The following GCNT1 variants were observed in gnomAD, a reference collection of about 807,000 sequenced individuals.
GCNT1 encodes the protein beta-1,3-galactosyl-O-glycosyl-glycoprotein beta-1,6-N-acetylglucosaminyltransferase.
GCNT1 carries 16 observed loss-of-function variants against 26.2 expected under a neutral mutation model. That is an observed-to-expected ratio of 0.61 (90% CI 0.41 to 0.93). The LOEUF (loss-of-function observed/expected upper bound fraction) is 0.93. GCNT1 is among the 40% of genes least tolerant of loss of function. The probability of loss-of-function intolerance (pLI) is 0.00; values close to 1 mark genes in which losing one functional copy is unlikely to be tolerated. For synonymous variants in GCNT1, 183 were observed against 190.8 expected, an observed-to-expected ratio of 0.96 and a Z score of 0.34; for missense variants, 477 against 526.7, an observed-to-expected ratio of 0.91 and a Z score of 0.92.
the GCNT1 span, among the ~76,000 whole-genome samples, chr9:76,397,401 A>G: frequency 1.3e-5 from 2 of 151,548 alleles, no homozygotes; most frequent in African/African-American, 2.4e-5. Context: ...GTCAAGTCAT[A>G]TGGGTAATTA....
At chr9:76,435,427 G>A (rs544481827) in intron 1 of GCNT1, among the ~76,000 whole-genome samples, 1 of 152,296 alleles carries the variant, frequency 6.6e-6, no homozygotes, top group East Asian at 1.9e-4. Context: ...GACTGAATTA[G>A]TCAGCTCCCA....
chr9:76,399,022 C>T, the GCNT1 span: 1 of 1,588,716 alleles, frequency 6.3e-7, no homozygotes, highest in South Asian at 1.1e-5. Flanking sequence ...CTGGAACCTT[C>T]ACTAACCAGA....
chr9:76,405,880 G>C, the GCNT1 span, among the ~76,000 whole-genome samples: 10 of 152,158 alleles, frequency 6.6e-5, no homozygotes, highest in African/African-American at 2.4e-4. Flanking sequence ...TGTGAATATA[G>C]GTTTTCAATT....
chr9:76,503,603 C>G lies in GCNT1; in HGVS notation c.1222C>G (p.Leu408Val). 6.2e-7 allele frequency: 1 copy of G among 1,614,110 alleles called. No homozygotes were observed. ...CAATAAGTTTGACGTGGATGTTGAC[C>G]TCTTTGCCATCCAGTGTTTGGATGA... ...FANKFDVDVD[L>V]FAIQCLDEHL... The change falls in exon 4 of 4, where the codon CTC becomes GTC. Residue 408 changes from leucine (L) to valine (V), a missense_variant. Physicochemically the swap from Leu to Val is conservative, Grantham distance 32. Transcript: ENST00000376730.
chr9:76,488,950 TA>T (rs1824655128), intron 2 of GCNT1, among the ~76,000 whole-genome samples: 3 of 152,234 alleles, frequency 2.0e-5, no homozygotes, highest in African/African-American at 7.2e-5. Flanking sequence ...AATATCATTT[TA>T]TTTTTTTGCT....
chr9:76,408,443 C>T, the GCNT1 span, among the ~76,000 whole-genome samples: 1 of 152,078 alleles, frequency 6.6e-6, no homozygotes, highest in East Asian at 1.9e-4. Context: ...TTGAACCAGG[C>T]TTACATACCT....
chr9:76,398,362 A>G, the GCNT1 span, among the ~76,000 whole-genome samples: 17,434 of 152,246 alleles, frequency 0.11, 1,112 homozygotes, highest in Middle Eastern at 0.23. Context: ...TAAAACAACA[A>G]TGAGATACTA....
intron 1 of GCNT1, among the ~76,000 whole-genome samples, chr9:76,446,023 A>T (rs1382350793): frequency 1.3e-5 from 2 of 152,082 alleles, no homozygotes; most frequent in Non-Finnish European, 2.9e-5. Context: ...AACCTGTGAT[A>T]ATTTGCTCTG....
At chr9:76,465,837 G>A (rs978730753) in intron 2 of GCNT1, among the ~76,000 whole-genome samples, 2 of 152,228 alleles carry the variant, frequency 1.3e-5, no homozygotes, top group Non-Finnish European at 2.9e-5. Flanking sequence ...GAGGTAGCAA[G>A]GATGATTCAA....
chr9:76,443,942 G>A (rs905415565), intron 1 of GCNT1, among the ~76,000 whole-genome samples: 2,072 of 79,192 alleles, frequency 0.026, 19 homozygotes, highest in East Asian at 0.043. Context: ...AGGAAGGAAG[G>A]AAGGAAGGAA....
At chr9:76,483,955 T>G (rs1338286961) in intron 2 of GCNT1, among the ~76,000 whole-genome samples, 1 of 152,168 alleles carries the variant, frequency 6.6e-6, no homozygotes. Flanking sequence ...GCTGGGATCG[T>G]AAGTGTGTGC....
At chr9:76,400,136 G>A in the GCNT1 span, among the ~76,000 whole-genome samples, 402 of 152,278 alleles carry the variant, frequency 2.6e-3, 1 homozygote, top group African/African-American at 9.4e-3. Context: ...AAACTATTCT[G>A]TATGATACTG....
intron 2 of GCNT1, among the ~76,000 whole-genome samples, chr9:76,466,696 G>A (rs1046878140): frequency 5.3e-5 from 8 of 152,212 alleles, no homozygotes; most frequent in Non-Finnish European, 1.0e-4. Context: ...TGAGAACACA[G>A]TGCAGAATTT....
chr9:76,447,317 G>T (rs1184921803), intron 1 of GCNT1, among the ~76,000 whole-genome samples: 1 of 151,482 alleles, frequency 6.6e-6, no homozygotes, highest in African/African-American at 2.4e-5. Context: ...ACCACTCACT[G>T]CAGCCTCAAC....
intron 1 of GCNT1, among the ~76,000 whole-genome samples, chr9:76,434,899 C>T (rs1823387582): frequency 6.6e-6 from 1 of 152,138 alleles, no homozygotes. Context: ...GCCCCGTCTC[C>T]TGCAGTACCC....
chr9:76,399,068 G>A, the GCNT1 span: 28 of 1,596,486 alleles, frequency 1.8e-5, no homozygotes, highest in South Asian at 3.0e-4. Context: ...GCTTCTTGTG[G>A]TTACTGACCC....
intron 2 of GCNT1, among the ~76,000 whole-genome samples, chr9:76,478,089 T>C (rs1205491337): frequency 2.6e-5 from 4 of 152,260 alleles, no homozygotes; most frequent in Non-Finnish European, 5.9e-5. Context: ...CAGTGCTCTG[T>C]AAAATGGACC....
At chr9:76,499,477 A>G (rs1324078573) in intron 2 of GCNT1, among the ~76,000 whole-genome samples, 4 of 152,092 alleles carry the variant, frequency 2.6e-5, no homozygotes, top group African/African-American at 7.2e-5. Flanking sequence ...TTTGGTCTCC[A>G]TTGTTGTTTA....
At chr9:76,409,480 G>A in the GCNT1 span, among the ~76,000 whole-genome samples, 5 of 152,028 alleles carry the variant, frequency 3.3e-5, no homozygotes, top group East Asian at 1.9e-4. Flanking sequence ...GAGTGTTGCT[G>A]TATCACCCAG....
Sources: allele counts gnomAD v4.1 joint callset (sites outside exome capture counted in the v4.1 genomes callset), GRCh38; gene constraint gnomAD v4.1.1; transcripts MANE v1.5; gene names NCBI Gene and HGNC (gene_info 2026-07-23, HGNC 2026-07-21).